Variants in CCDC180 observed in about 807,000 individuals in gnomAD.
CCDC180 encodes the protein coiled-coil domain-containing protein 180.
A neutral mutation model predicts 209.2 loss-of-function variants in CCDC180; 154 were observed. The ratio of observed to expected loss-of-function variants is 0.74; its 90% CI spans 0.65 to 0.84. The LOEUF is 0.84. Among genes scored for constraint, CCDC180 ranks in the 40% least tolerant of loss-of-function variants. CCDC180 has a pLI of 0.00. For missense variants in CCDC180, 1,874 were observed against 1,997.3 expected (o/e 0.94, Z 1.18); for synonymous variants, 778 against 749.1 (o/e 1.04, Z -0.63).
chr9:97,333,708 G>GT (rs964648811), intron 18 of CCDC180, among the ~76,000 whole-genome samples: 39 of 149,818 alleles, frequency 2.6e-4, no homozygotes, highest in Admixed American at 4.7e-4. Flanking sequence ...GGCTGTTGGA[G>GT]TTTTTTTTTG....
chr9:97,364,796 A>T (rs1826873398), intron 29 of CCDC180: 1 of 152,328 alleles, frequency 6.6e-6, no homozygotes, highest in South Asian at 2.1e-4. Context: ...TATTTTTTAT[A>T]GCTCGATGCA....
At chr9:97,371,272 A>C (rs1436649268) in intron 33 of CCDC180, 3 of 197,306 alleles carry the variant, frequency 1.5e-5, no homozygotes, top group African/African-American at 6.9e-5. Context: ...CCTAACTTGT[A>C]TACTTTTTGA....
chr9:97,343,358 G>A lies in CCDC180; in HGVS notation c.2293G>A (p.Gly765Ser). The A allele has an allele frequency of 6.2e-7, 1 of 1,610,156 alleles. No individual in the cohort carries two copies. Among genetic ancestry groups the A allele is most frequent in the East Asian group, 2.2e-5 (1 of 44,858 alleles). The change falls in exon 19 of 37, where the codon GGT (glycine) becomes AGT (serine). Residue 765 changes from glycine to serine, a missense_variant. Coordinates refer to ENST00000529487, the MANE Select transcript of CCDC180 (RefSeq NM_020893.6). The stretch of plus-strand genomic sequence containing the variant: ...TGCTTAGGAAGAAGACAAGGAAGAG[G>A]GTCTAGAGGAGATATACTATGAGGA... ...SVGEEEDKEE[G>S]LEEIYYEDME...
rs564598487 is a variant in CCDC180 at position 97,316,278 on chromosome 9, A to G, written c.796-787A>G. ...CTATGCTATAAATAGCATGAACCCCATCTTACGGCTGTGGATCTGTAGGTT... is the reference window on the plus strand; with the variant it reads ...CTATGCTATAAATAGCATGAACCCCGTCTTACGGCTGTGGATCTGTAGGTT... On this transcript the variant is annotated intron_variant, in intron 8 of 36. Transcript: ENST00000529487. Among the ~76,000 whole-genome samples, 139 of 152,308 alleles carry G rather than the reference A, an allele frequency of 9.1e-4. 2 individuals carry two copies. In the South Asian group the frequency reaches 0.027, roughly 30 times the overall value.
intron 14 of CCDC180, among the ~76,000 whole-genome samples, chr9:97,325,497 AG>A (rs1408123535): frequency 6.6e-6 from 1 of 152,198 alleles, no homozygotes; most frequent in African/African-American, 2.4e-5. Context: ...ATGCTTAAAG[AG>A]GGGGAGAATA....
At chr9:97,372,570 A>T (rs1414515312) in intron 34 of CCDC180, 1 of 152,228 alleles carries the variant, frequency 6.6e-6, no homozygotes. Flanking sequence ...ATATACAGAA[A>T]ATTCAATGGG....
At chr9:97,325,894 A>G (rs1344166583) in intron 14 of CCDC180, among the ~76,000 whole-genome samples, 2 of 152,212 alleles carry the variant, frequency 1.3e-5, no homozygotes, top group Admixed American at 6.5e-5. Flanking sequence ...TTCGAAGTCC[A>G]GTAGTTAAGG....
At position 97,323,813 on chromosome 9, in the gene CCDC180, G is replaced by A; in HGVS notation, c.1281G>A (p.Glu427=). The A allele has an allele frequency of 6.4e-7, 1 of 1,558,056 alleles. No homozygotes were observed. Among genetic ancestry groups the A allele is most frequent in the Non-Finnish European group, 8.7e-7 (1 of 1,150,212 alleles). ...KQLLDWKAFT[E]EEAETLVNQF... The stretch of plus-strand genomic sequence containing the variant: ...TGCTGGACTGGAAAGCCTTCACTGA[G>A]GAGGAGGCAGAGACCCTGGTGAACC... Residue 427 remains glutamate, a synonymous_variant, in exon 13 of 37, where the codon GAG becomes GAA. Transcript: ENST00000529487.
Position 97,307,707 on chromosome 9 carries a change from C to T in CCDC180, c.-181C>T. The T allele has an allele frequency of 6.2e-7, 1 of 1,601,526 alleles. No individual in the cohort carries two copies. Among genetic ancestry groups the T allele is most frequent in the Non-Finnish European group, 8.6e-7 (1 of 1,168,822 alleles). ...AGAGCATGGCAGAGTGAAGCACAAG[C>T]AATAATCCTGTATTATTCGCGTTCC... On this transcript the variant is annotated 5_prime_UTR_variant, in exon 1 of 37. Transcript: ENST00000529487.
intron 29 of CCDC180, 157 bp from the exon 30 acceptor site, chr9:97,365,516 G>A (rs970798549): frequency 1.3e-5 from 9 of 667,432 alleles, no homozygotes; most frequent in East Asian, 7.7e-5. Context: ...GTTATGGAGT[G>A]GAATCAGAGT....
In CCDC180 at chr9:97,354,933, C is replaced by G. The variant is rs1043491328; in HGVS notation, c.3189C>G (p.Asn1063Lys). The G allele has an allele frequency of 6.2e-7, 1 of 1,614,166 alleles. No homozygotes were observed. The highest frequency in any genetic ancestry group is 2.2e-5 in the East Asian group (1 of 44,886). ...VINKFESKFHNLSVDLIFIEK... is the reference protein window; with the variant it reads ...VINKFESKFHKLSVDLIFIEK... ...ACAAGTTTGAAAGCAAATTCCATAA[C>G]CTGTCTGTGGACCTTATTTTCATAG... The change falls in exon 24 of 37, where the codon AAC becomes AAG. Residue 1063 changes from asparagine to lysine, a missense_variant. Asn to Lys is a moderately conservative substitution (Grantham distance 94). Coordinates refer to ENST00000529487, the MANE Select transcript of CCDC180 (RefSeq NM_020893.6).
At position 97,323,862 on chromosome 9, in the gene CCDC180, G is replaced by C. The variant is rs1378872031; in HGVS notation, c.1330G>C (p.Ala444Pro). Residue 444 changes from alanine to proline, a missense_variant, in exon 13 of 37, where the codon GCA becomes CCA. Physicochemically the swap from Ala to Pro is conservative, Grantham distance 27. Coordinates refer to ENST00000529487, the MANE Select transcript of CCDC180 (RefSeq NM_020893.6). Reference protein sequence around the residue: ...VNQFFFQMVGALQGKVEEDLE... With the variant: ...VNQFFFQMVGPLQGKVEEDLE... Reference sequence around the variant, plus strand: ...CCAGTTCTTCTTCCAGATGGTGGGAGCACTCCAGGGCAAAGTGGAGGAGGA... The same window carrying C: ...CCAGTTCTTCTTCCAGATGGTGGGACCACTCCAGGGCAAAGTGGAGGAGGA... 1.7e-5 allele frequency: 26 copies of C among 1,554,888 alleles called. No homozygotes were observed. Among genetic ancestry groups the C allele is most frequent in the Non-Finnish European group, 2.3e-5 (26 of 1,148,814 alleles).
intron 11 of CCDC180, among the ~76,000 whole-genome samples, chr9:97,321,222 A>G (rs1283852821): frequency 6.6e-6 from 1 of 152,220 alleles, no homozygotes; most frequent in Non-Finnish European, 1.5e-5. Flanking sequence ...AACTGAAGAT[A>G]TTTTCAGCTT....
rs1826294146 is a variant in CCDC180 at position 97,347,468 on chromosome 9, GACATCC to G, written c.2657_2662del (p.Ile886_His887del). 6.5e-7 allele frequency: 1 copy of G among 1,535,996 alleles called. No homozygotes were observed. Among genetic ancestry groups the G allele is most frequent in the Non-Finnish European group, 8.7e-7 (1 of 1,146,916 alleles). ...GCCAAGAGCCCAGCAGATTGAAAAA[GACATCC>G]ACAACGTCAGGGCAGGTACAGATGC... is the stretch of plus-strand genomic sequence containing the variant. On this transcript the variant is annotated inframe_deletion, in exon 20 of 37. Transcript: ENST00000529487.
intron 14 of CCDC180, among the ~76,000 whole-genome samples, chr9:97,325,952 G>T (rs559148038): frequency 2.0e-5 from 3 of 152,302 alleles, no homozygotes; most frequent in African/African-American, 7.2e-5. Context: ...CATTCCCAAG[G>T]TGAGTGGGGG....
At chr9:97,355,086 G>A (rs1440174955) in intron 24 of CCDC180, 78 bp downstream of exon 24, 4 of 913,296 alleles carry the variant, frequency 4.4e-6, no homozygotes, top group Non-Finnish European at 7.2e-6. Flanking sequence ...GTGCTAGGAG[G>A]CCATTGTGGT....
At position 97,371,256 on chromosome 9, in the gene CCDC180, G is replaced by A. The variant is rs7848156; in HGVS notation, c.4489-339G>A. ...TGGGATTACAGGCGTGAGCCACCGCGCCCGGCCTAACTTGTATACTTTTTG... is the reference window on the plus strand; with the variant it reads ...TGGGATTACAGGCGTGAGCCACCGCACCCGGCCTAACTTGTATACTTTTTG... On this transcript the variant is annotated intron_variant, in intron 33 of 36. Transcript: ENST00000529487. The A allele has an allele frequency of 8.4e-3, 1,492 of 178,512 alleles. 21 individuals are homozygous for A. Among genetic ancestry groups the A allele is most frequent in the African/African-American group, 0.032 (1,357 of 42,702 alleles). The allele number at this position is 178,512 out of a possible 1,614,324, so 11.1% of individuals were successfully genotyped here. A position where few individuals can be genotyped will look rare whatever the true frequency, so the allele number is the denominator to read the frequency against.
chr9:97,336,191 C>T (rs1825899187), intron 18 of CCDC180, among the ~76,000 whole-genome samples: 1 of 152,190 alleles, frequency 6.6e-6, no homozygotes, highest in South Asian at 2.1e-4. Context: ...TCAATTATGG[C>T]TTTTGTTGCC....
Position 97,371,642 on chromosome 9 carries a change from C to T in CCDC180, c.4536C>T (p.Thr1512=). The T allele has an allele frequency of 6.2e-7, 1 of 1,608,628 alleles. No homozygotes were observed. The highest frequency in any genetic ancestry group is 8.5e-7 in the Non-Finnish European group (1 of 1,175,510). The change falls in exon 34 of 37, where the codon ACC becomes ACT. Residue 1512 remains threonine (T), a synonymous_variant. Coordinates refer to ENST00000529487, the MANE Select transcript of CCDC180 (RefSeq NM_020893.6). ...AGGTTTTCATAACCAACTTGGCCAC[C>T]TTCACCGAGAAGTTCCTACTGCAGT... The part of the protein sequence containing the change: ...NGQVFITNLA[T]FTEKFLLQLD...
Sources: allele counts gnomAD v4.1 joint callset (sites outside exome capture counted in the v4.1 genomes callset), GRCh38; gene constraint gnomAD v4.1.1; transcripts MANE v1.5; gene names NCBI Gene and HGNC (gene_info 2026-07-23, HGNC 2026-07-21).